Variants in PANK3 observed in about 807,000 individuals in gnomAD.
PANK3 encodes the protein pantothenate kinase 3, also known as hPanK3.
Under a neutral mutation model 39.4 loss-of-function variants are expected in PANK3, and 20 were observed. That is an observed-to-expected ratio of 0.51 (90% CI 0.36 to 0.74). PANK3 has a LOEUF of 0.74. Among genes scored for constraint, PANK3 ranks in the 30% least tolerant of loss-of-function variants. The pLI, the probability that PANK3 is intolerant of heterozygous loss-of-function variation, is 0.00. For missense variants in PANK3, 265 were observed against 437.0 expected, an observed-to-expected ratio of 0.61 and a Z score of 3.51; for synonymous variants, 140 against 157.3, an observed-to-expected ratio of 0.89 and a Z score of 0.82.
At chr5:168,578,442 T>C (rs968997809) in intron 1 of PANK3, among the ~76,000 whole-genome samples, 2 of 152,212 alleles carry the variant, frequency 1.3e-5, no homozygotes, top group Non-Finnish European at 2.9e-5. Context: ...AATCCCCACG[T>C]TCCTAGTCCT....
Position 168,554,969 on chromosome 5 carries a change from A to G in PANK3, c.*2602T>C, listed in dbSNP as rs1041254407. On this transcript the variant is annotated 3_prime_UTR_variant, in exon 7 of 7. Transcript: ENST00000239231. ...AAATTACCTGCTAGAGTGAGCAACC[A>G]TCTCACCACTGTGGCTCTTTAGCTT... 1.3e-5 allele frequency: 2 copies of G among 152,242 alleles called. No individual in the cohort carries two copies. Among genetic ancestry groups the G allele is most frequent in the East Asian group, 3.8e-4 (2 of 5,200 alleles). The allele number at this position is 152,242 out of a possible 1,614,324, so 9.4% of individuals were successfully genotyped here. A position where few individuals can be genotyped will look rare whatever the true frequency, so the allele number is the denominator to read the frequency against.
chr5:168,561,137 G>C (rs1025419078), intron 5 of PANK3, among the ~76,000 whole-genome samples: 2 of 151,966 alleles, frequency 1.3e-5, no homozygotes, highest in African/African-American at 4.8e-5. Flanking sequence ...ATCCTCAAGG[G>C]ATTTAGGTTG....
At chr5:168,561,206 T>C (rs559754803) in intron 5 of PANK3, among the ~76,000 whole-genome samples, 187 bp downstream of exon 5, 35 of 152,352 alleles carry the variant, frequency 2.3e-4, no homozygotes, top group South Asian at 1.7e-3. Context: ...AATTATCTGC[T>C]ACTTTCTTTA....
In PANK3 at chr5:168,549,254, T is replaced by C. The variant is rs1759238934; in HGVS notation, c.*8317A>G. 1 of 152,228 alleles carries C rather than the reference T, an allele frequency of 6.6e-6. No homozygotes were observed. Among genetic ancestry groups the C allele is most frequent in the African/African-American group, 2.4e-5 (1 of 41,454 alleles). 9.4% of individuals were successfully genotyped at this position (152,228 alleles called of 1,614,324 possible). On this transcript the variant is annotated 3_prime_UTR_variant, in exon 7 of 7. Transcript: ENST00000239231. ...AAAGTTACCTTCTGTTTCTAAATGC[T>C]GTAAACTAAACTAAAACAGGTTACC... is the stretch of plus-strand genomic sequence containing the variant.
In PANK3 at chr5:168,564,939, G is replaced by A. The variant is rs938395824; in HGVS notation, c.636-874C>T. Among the ~76,000 whole-genome samples the A allele has an allele frequency of 2.0e-5, 3 of 152,168 alleles. No homozygotes were observed. The South Asian group carries it at 6.2e-4, about 32-fold the overall frequency. On this transcript the variant is annotated intron_variant, in intron 3 of 6. Coordinates refer to ENST00000239231, the MANE Select transcript of PANK3 (RefSeq NM_024594.4). ...TATTATTCTTCTGGATATGCTCACA[G>A]AATGAAATCATATCTAATTCCTAAA...
intron 2 of PANK3, 126 bp downstream of exon 2, chr5:168,568,520 A>G: frequency 1.3e-6 from 1 of 754,692 alleles, no homozygotes; most frequent in Non-Finnish European, 2.1e-6. Flanking sequence ...CCCCAAGTGA[A>G]AGGCAACCAT....
At chr5:168,578,867 G>A (rs978196088) in intron 1 of PANK3, among the ~76,000 whole-genome samples, 1 of 152,182 alleles carries the variant, frequency 6.6e-6, no homozygotes, top group African/African-American at 2.4e-5. Context: ...CAGGAAGCCC[G>A]GAAATCCCTA....
intron 2 of PANK3, among the ~76,000 whole-genome samples, chr5:168,566,526 T>C (rs1405264984): frequency 6.6e-6 from 1 of 152,192 alleles, no homozygotes; most frequent in Non-Finnish European, 1.5e-5. Context: ...GGACTTGTGA[T>C]GCCAGACATC....
intron 1 of PANK3, among the ~76,000 whole-genome samples, chr5:168,575,447 G>A (rs1759716137): frequency 8.4e-6 from 1 of 119,600 alleles, no homozygotes. Flanking sequence ...GTTTGCTAAG[G>A]AAGCAGAGAA....
Position 168,566,271 on chromosome 5 carries a change from TAAAACAAACAAACA to T in PANK3, c.382-19_382-6del. Reference sequence around the variant, plus strand: ...GTGCAGGTGGAGGTTTCCAATCTGTTAAAACAAACAAACAAAAACAAAAAAGGATGACATTCAAA... The same window carrying T: ...GTGCAGGTGGAGGTTTCCAATCTGTTAAAACAAAAAAGGATGACATTCAAA... On this transcript the variant is annotated splice_polypyrimidine_tract_variant and splice_region_variant and intron_variant, in intron 2 of 6. Coordinates refer to ENST00000239231, the MANE Select transcript of PANK3 (RefSeq NM_024594.4). The T allele has an allele frequency of 1.3e-6, 2 of 1,571,234 alleles. No homozygotes were observed. The highest frequency in any genetic ancestry group is 1.7e-6 in the Non-Finnish European group (2 of 1,152,442).
chr5:168,554,614 G>C lies in PANK3; in HGVS notation c.*2957C>G, dbSNP rs1429685991. On this transcript the variant is annotated 3_prime_UTR_variant, in exon 7 of 7. Coordinates refer to ENST00000239231, the MANE Select transcript of PANK3 (RefSeq NM_024594.4). ...TAGAATTTAGACTGTTTGAAACTCT[G>C]AATTCATGTCAGTCAGTAGCCATTT... is the stretch of plus-strand genomic sequence containing the variant. 6 of 152,188 alleles carry C rather than the reference G, an allele frequency of 3.9e-5. No homozygotes were observed. Among genetic ancestry groups the C allele is most frequent in the Non-Finnish European group, 7.3e-5 (5 of 68,032 alleles). 9.4% of individuals were successfully genotyped at this position (152,188 alleles called of 1,614,324 possible).
Position 168,556,775 on chromosome 5 carries a change from CA to C in PANK3, c.*795del, listed in dbSNP as rs1168863592. The C allele has an allele frequency of 2.0e-5, 3 of 152,480 alleles. No homozygotes were observed. Among genetic ancestry groups the C allele is most frequent in the Non-Finnish European group, 4.4e-5 (3 of 67,996 alleles). 9.4% of individuals were successfully genotyped at this position (152,480 alleles called of 1,614,324 possible). On this transcript the variant is annotated 3_prime_UTR_variant, in exon 7 of 7. Transcript: ENST00000239231. ...TGTATATATGACCAAAACAAACAAACAAAAAGAGCACAGTGAACTCAAATCA... is the reference window on the plus strand; with the variant it reads ...TGTATATATGACCAAAACAAACAAACAAAAGAGCACAGTGAACTCAAATCA...
rs925637112 is a variant in PANK3 at position 168,558,430 on chromosome 5, C to T, written c.1062+602G>A. 2.6e-5 allele frequency among the ~76,000 whole-genome samples: 4 copies of T among 152,132 alleles called. No homozygotes were observed. The East Asian group carries it at 7.7e-4, about 29-fold the overall frequency. ...CCGTCCGCCTTGGCCTCCCAAAGTG[C>T]TGGGATTACAGGCATGAGCCACCGC... On this transcript the variant is annotated intron_variant, in intron 6 of 6. Coordinates refer to ENST00000239231, the MANE Select transcript of PANK3 (RefSeq NM_024594.4).
rs1279473471 is a variant in PANK3, at chr5:168,551,069, C to T, written c.*6502G>A. ...TCACACCACCATTATCGTGAATGGG[C>T]TATCCAAATACTCTTAACAGAAGGA... On this transcript the variant is annotated 3_prime_UTR_variant, in exon 7 of 7. Coordinates refer to ENST00000239231, the MANE Select transcript of PANK3 (RefSeq NM_024594.4). The T allele has an allele frequency of 6.6e-6, 1 of 152,164 alleles. No individual in the cohort carries two copies. Among genetic ancestry groups the T allele is most frequent in the African/African-American group, 2.4e-5 (1 of 41,458 alleles). The allele number at this position is 152,164 out of a possible 1,614,324, so 9.4% of individuals were successfully genotyped here. A position where few individuals can be genotyped will look rare whatever the true frequency, so the allele number is the denominator to read the frequency against.
intron 4 of PANK3, 141 bp downstream of exon 4, chr5:168,563,748 G>T (rs1689704277): frequency 1.6e-6 from 1 of 608,734 alleles, no homozygotes; most frequent in Non-Finnish European, 2.5e-6. Context: ...ATTTTTAAAT[G>T]ACATCAATGT....
chr5:168,576,658 T>C (rs1759734891), intron 1 of PANK3, among the ~76,000 whole-genome samples: 1 of 152,170 alleles, frequency 6.6e-6, no homozygotes, highest in Non-Finnish European at 1.5e-5. Flanking sequence ...CTTAGGTAAA[T>C]AATGTGAAGC....
intron 1 of PANK3, among the ~76,000 whole-genome samples, chr5:168,576,735 A>G (rs552974230): frequency 6.6e-6 from 1 of 152,258 alleles, no homozygotes; most frequent in East Asian, 1.9e-4. Flanking sequence ...GATGCAATGC[A>G]CATAAAGAAA....
chr5:168,566,765 A>G (rs924492171), intron 2 of PANK3, among the ~76,000 whole-genome samples: 5 of 152,196 alleles, frequency 3.3e-5, no homozygotes, highest in African/African-American at 1.2e-4. Context: ...CATTTTTGAG[A>G]CAGAGTCTAG....
At chr5:168,563,551 G>T (rs754309492) in intron 4 of PANK3, among the ~76,000 whole-genome samples, 30 of 151,542 alleles carry the variant, frequency 2.0e-4, no homozygotes, top group Non-Finnish European at 3.7e-4. Flanking sequence ...AACATGTAAA[G>T]ATTTCTATAT....
Sources: allele counts gnomAD v4.1 joint callset (sites outside exome capture counted in the v4.1 genomes callset), GRCh38; gene constraint gnomAD v4.1.1; transcripts MANE v1.5; gene names NCBI Gene and HGNC (gene_info 2026-07-23, HGNC 2026-07-21).